ENPP2: variants seen among roughly 807,000 people sequenced by gnomAD.
The protein encoded by ENPP2 is ectonucleotide pyrophosphatase/phosphodiesterase 2, also known as autotaxin.
ENPP2 carries 51 observed loss-of-function variants against 120.2 expected under a neutral mutation model. That is an observed-to-expected ratio of 0.42 (90% CI 0.34 to 0.54). The LOEUF (loss-of-function observed/expected upper bound fraction) is 0.54, where lower values mean the gene tolerates loss of function less well. ENPP2 is among the 20% of genes least tolerant of loss of function. The pLI, the probability that ENPP2 is intolerant of heterozygous loss-of-function variation, is 0.04. For missense variants in ENPP2, 920 were observed against 1,066.5 expected, an observed-to-expected ratio of 0.86 and a Z score of 1.91; for synonymous variants, 365 against 366.4, an observed-to-expected ratio of 1.00 and a Z score of 0.04.
chr8:119,619,194 G>C (rs754273198), intron 5 of ENPP2, 50 bp downstream of exon 5: 7 of 1,256,972 alleles, frequency 5.6e-6, no homozygotes, highest in Middle Eastern at 1.9e-4. Context: ...TCCTGTGAGA[G>C]TTTATCAGCT....
Position 119,582,552 on chromosome 8 carries a change from T to C in ENPP2, c.1594A>G (p.Asn532Asp), listed in dbSNP as rs774673202. 5.5e-5 allele frequency: 89 copies of C among 1,613,818 alleles called. No homozygotes were observed. The highest frequency in any genetic ancestry group is 7.2e-5 in the Non-Finnish European group (85 of 1,179,840). The change falls in exon 18 of 25, where the codon AAT becomes GAT. Residue 532 changes from asparagine to aspartate, a missense_variant. Physicochemically the swap from Asn to Asp is conservative, Grantham distance 23. Coordinates refer to ENST00000075322, the MANE Select transcript of ENPP2 (RefSeq NM_001040092.3). ...AAGGTATTAGTGCGCAGGAGATGATTCAAACTTCCATGGGTCCCATTATTA... is the reference window on the plus strand; with the variant it reads ...AAGGTATTAGTGCGCAGGAGATGATCCAAACTTCCATGGGTCCCATTATTA... ...APNNGTHGSL[N>D]HLLRTNTFRP...
chr8:119,640,757 GTTTAT>G (rs1389060850), upstream of ENPP2, among the ~76,000 whole-genome samples: 1 of 151,828 alleles, frequency 6.6e-6, no homozygotes, highest in Non-Finnish European at 1.5e-5. Flanking sequence ...TTGTTTATTT[GTTTAT>G]TTTGAGATGG....
chr8:119,580,156 A>C lies in ENPP2; in HGVS notation c.1740T>G (p.Asp580Glu). 1 of 1,613,154 alleles carries C rather than the reference A, an allele frequency of 6.2e-7. No homozygotes were observed. The highest frequency in any genetic ancestry group is 8.5e-7 in the Non-Finnish European group (1 of 1,179,074). ...TTGTATGAAGCCGTTTGTTGAGTTC[A>C]TCCAACTTGTTCTTCATGTGTGAAA... ...DDKVEPKNKL[D>E]ELNKRLHTKG... Residue 580 changes from aspartate to glutamate, a missense_variant, in exon 19 of 25, where the codon GAT becomes GAG. Coordinates refer to ENST00000075322, the MANE Select transcript of ENPP2 (RefSeq NM_001040092.3).
intron 23 of ENPP2, 40 bp from the exon 24 acceptor site, chr8:119,563,053 T>G (rs1814104381): frequency 5.1e-6 from 8 of 1,582,414 alleles, no homozygotes; most frequent in Non-Finnish European, 6.9e-6. Flanking sequence ...GTTGATGAGT[T>G]GATGTTGAAG....
chr8:119,581,590 T>A lies in ENPP2; in HGVS notation c.1728+828A>T, dbSNP rs1445239352. On this transcript the variant is annotated intron_variant, in intron 18 of 24. Coordinates refer to ENST00000075322, the MANE Select transcript of ENPP2 (RefSeq NM_001040092.3). ...TCCTTCCTATTCGGTTGTCTCTCCA[T>A]GTTTTGGAAACTTACTCCTTCCCCT... Among the ~76,000 whole-genome samples the A allele has an allele frequency of 2.0e-5, 3 of 152,220 alleles. No individual in the cohort carries two copies. The East Asian group carries it at 5.8e-4, about 30-fold the overall frequency.
chr8:119,569,479 T>C, intron 20 of ENPP2, 109 bp from the exon 21 acceptor site: 1 of 997,776 alleles, frequency 1.0e-6, no homozygotes, highest in East Asian at 2.8e-5. Flanking sequence ...ATAGTCTGAC[T>C]CCTTTTTTAA....
intron 2 of ENPP2, among the ~76,000 whole-genome samples, chr8:119,627,917 C>T (rs771701564): frequency 6.7e-6 from 1 of 148,994 alleles, no homozygotes; most frequent in Non-Finnish European, 1.5e-5. Flanking sequence ...AGACATACCA[C>T]CTTAAAGGTA....
Position 119,584,029 on chromosome 8 carries a change from T to A in ENPP2, c.1388A>T (p.Lys463Met), listed in dbSNP as rs773945079. 3 of 1,610,964 alleles carry A rather than the reference T, an allele frequency of 1.9e-6. No individual in the cohort carries two copies. The highest frequency in any genetic ancestry group is 2.7e-5 in the African/African-American group (2 of 74,870). The change falls in exon 16 of 25, where the codon AAG becomes ATG. Residue 463 changes from lysine (K) to methionine (M), a missense_variant. Coordinates refer to ENST00000075322, the MANE Select transcript of ENPP2 (RefSeq NM_001040092.3). ...HVARKPLDVYKKPSGKCFFQG... is the reference protein window; with the variant it reads ...HVARKPLDVYMKPSGKCFFQG... ...GAAAAAGCATTTTCCTGATGGTTTC[T>A]TATAAACATCCAAAGGTTTCCTAAA...
chr8:119,634,225 TACA>T, intron 2 of ENPP2, among the ~76,000 whole-genome samples: 1 of 150,098 alleles, frequency 6.7e-6, no homozygotes, highest in African/African-American at 2.5e-5. Context: ...CATACATACA[TACA>T]TACACACAAT....
At chr8:119,559,982 G>A (rs1388357211) in intron 24 of ENPP2, among the ~76,000 whole-genome samples, 1 of 152,070 alleles carries the variant, frequency 6.6e-6, no homozygotes, top group Non-Finnish European at 1.5e-5. Context: ...GAACCAGTAG[G>A]GAGAGGAAAA....
chr8:119,673,364 C>CT, exon 1 of ENPP2: 1 of 1,395,122 alleles, frequency 7.2e-7, no homozygotes, highest in Non-Finnish European at 9.8e-7. Context: ...CTCGGGACGG[C>CT]TGCTGCGGAC....
At chr8:119,571,936 C>A in intron 19 of ENPP2, 1 of 376,374 alleles carries the variant, frequency 2.7e-6, no homozygotes, top group Non-Finnish European at 4.8e-6. Flanking sequence ...TGAGACAAAG[C>A]GGCCCACACT....
chr8:119,571,982 C>T (rs1587352191), intron 19 of ENPP2: 4 of 530,962 alleles, frequency 7.5e-6, no homozygotes, highest in Non-Finnish European at 1.3e-5. Flanking sequence ...AGTTCGGCTG[C>T]TCCAGCATTG....
intron 1 of ENPP2, among the ~76,000 whole-genome samples, chr8:119,671,300 C>CA (rs555859094): frequency 4.0e-5 from 6 of 151,412 alleles, no homozygotes; most frequent in African/African-American, 7.3e-5. Context: ...GACTACATCT[C>CA]AAAAAAAAGA....
chr8:119,596,754 A>G (rs1342263931), intron 11 of ENPP2, among the ~76,000 whole-genome samples: 1 of 149,998 alleles, frequency 6.7e-6, no homozygotes, highest in African/African-American at 2.4e-5. Context: ...GTCTTGGTAT[A>G]TACAGACCAA....
chr8:119,607,403 C>T (rs552954436), intron 9 of ENPP2, among the ~76,000 whole-genome samples: 2 of 152,200 alleles, frequency 1.3e-5, no homozygotes, highest in South Asian at 4.1e-4. Context: ...GGGCTGGGCA[C>T]GGTGGCTCAT....
intron 9 of ENPP2, among the ~76,000 whole-genome samples, chr8:119,603,002 A>T (rs1053821637): frequency 2.6e-5 from 4 of 152,188 alleles, no homozygotes; most frequent in Non-Finnish European, 5.9e-5. Flanking sequence ...TCTTTCTGGA[A>T]CTATCACACA....
At chr8:119,673,372 G>T (rs751392953) in exon 1 of ENPP2, 32 of 1,374,740 alleles carry the variant, frequency 2.3e-5, no homozygotes, top group Admixed American at 6.0e-5. Context: ...GGCTGCTGCG[G>T]ACTGCTCTTG....
intron 9 of ENPP2, among the ~76,000 whole-genome samples, chr8:119,607,483 C>G (rs60250385): frequency 0.059 from 8,952 of 151,880 alleles, 772 homozygotes; most frequent in African/African-American, 0.19. Flanking sequence ...AGACCAGCCT[C>G]GCAAACGTGG....
Sources: allele counts gnomAD v4.1 joint callset (sites outside exome capture counted in the v4.1 genomes callset), GRCh38; gene constraint gnomAD v4.1.1; transcripts MANE v1.5; gene names NCBI Gene and HGNC (gene_info 2026-07-23, HGNC 2026-07-21).